TRIM37: variants seen among roughly 807,000 people sequenced by gnomAD.
TRIM37 encodes E3 ubiquitin-protein ligase TRIM37.
In TRIM37, 80 loss-of-function variants were observed where a neutral mutation model predicts 129.8. That is an observed-to-expected ratio of 0.62 (90% CI 0.51 to 0.74). The LOEUF is 0.74. Among genes scored for constraint, TRIM37 ranks in the 30% least tolerant of loss-of-function variants. TRIM37 has a pLI of 0.00. For missense variants in TRIM37, 1,054 were observed against 1,176.5 expected (o/e 0.90, Z 1.52); for synonymous variants, 389 against 387.1 (o/e 1.00, Z -0.06).
Position 59,028,487 on chromosome 17 carries a change from A to G in TRIM37, c.2185T>C (p.Ser729Pro). ...ATTCCCAAATCCTGCAATCTGCCAG[A>G]GTTTTCAGTTCCACATGCAGCCAGA... ...AALAACGTEN[S>P]GRLQDLGMEL... The change falls in exon 19 of 24, where the codon TCT (serine) becomes CCT (proline). Residue 729 changes from serine (S) to proline (P), a missense_variant. By Grantham distance (74) the Ser-to-Pro change is moderately conservative (BLOSUM62 -1). Transcript: ENST00000262294. 6.2e-7 allele frequency: 1 copy of G among 1,614,204 alleles called. No individual in the cohort carries two copies. The highest frequency in any genetic ancestry group is 1.1e-5 in the South Asian group (1 of 91,078).
chr17:58,979,751 A>C (rs1182337288), downstream of TRIM37, among the ~76,000 whole-genome samples: 5 of 152,230 alleles, frequency 3.3e-5, no homozygotes, highest in Non-Finnish European at 7.3e-5. Context: ...GTAAGGACTT[A>C]TGCCCAGTAA....
intron 12 of TRIM37, among the ~76,000 whole-genome samples, chr17:59,057,761 T>C (rs1231435583): frequency 6.6e-6 from 1 of 152,180 alleles, no homozygotes; most frequent in Non-Finnish European, 1.5e-5. Flanking sequence ...TGACCTCAGA[T>C]GATCCACCCT....
chr17:59,044,220 T>C (rs1287812064), intron 16 of TRIM37, among the ~76,000 whole-genome samples: 2 of 152,072 alleles, frequency 1.3e-5, no homozygotes, highest in African/African-American at 4.8e-5. Context: ...GGTGGGAGGA[T>C]CACTTGAGCC....
intron 2 of TRIM37, among the ~76,000 whole-genome samples, chr17:59,101,202 TAGAA>T (rs1046175046): frequency 2.6e-5 from 4 of 152,122 alleles, no homozygotes; most frequent in Non-Finnish European, 5.9e-5. Context: ...AAGACAGCCC[TAGAA>T]AGAAAGGTCA....
chr17:59,057,128 AG>A, intron 12 of TRIM37, 74 bp from the exon 13 acceptor site: 1 of 1,302,564 alleles, frequency 7.7e-7, no homozygotes, highest in South Asian at 1.2e-5. Context: ...CTAAACATTA[AG>A]GTCACTAAGT....
In TRIM37 at chr17:59,028,433, T is replaced by G. The variant is rs1288094169; in HGVS notation, c.2239A>C (p.Asn747His). Residue 747 changes from asparagine to histidine, a missense_variant, in exon 19 of 24, where the codon AAT (asparagine) becomes CAT (histidine). Physicochemically the swap from Asn to His is moderately conservative, Grantham distance 68. This residue lies in a region of TRIM37 where 287 missense variants were observed against 274.3 expected (regional missense o/e 1.05). Transcript: ENST00000262294. ...TACTTACAGTTTCGTATGTAACAAT[T>G]GGCAACTGATGACTTTGCCAGGAGT... ...MELLAKSSVA[N>H]CYIRNSTNKK... 1 of 1,613,190 alleles carries G rather than the reference T, an allele frequency of 6.2e-7. No homozygotes were observed. The highest frequency in any genetic ancestry group is 8.5e-7 in the Non-Finnish European group (1 of 1,180,022).
Position 59,062,229 on chromosome 17 carries a change from T to C in TRIM37, c.942+338A>G, listed in dbSNP as rs566159902. 5.3e-5 allele frequency among the ~76,000 whole-genome samples: 8 copies of C among 152,270 alleles called. No individual in the cohort carries two copies. The East Asian group carries it at 7.7e-4, about 15-fold the overall frequency. On this transcript the variant is annotated intron_variant, in intron 11 of 23. Transcript: ENST00000262294. The stretch of plus-strand genomic sequence containing the variant: ...CAGACTTTTCCTAAAGAAAATGGAA[T>C]TGCATATTGAAGATACCCAATGAAA...
downstream of TRIM37, chr17:58,980,913 G>GAAGT: frequency 6.2e-7 from 1 of 1,614,148 alleles, no homozygotes; most frequent in Non-Finnish European, 8.5e-7. The surrounding 1 kb of genome is among the most constrained non-coding windows in gnomAD (Gnocchi z 4.7). Context: ...AATAGGATAA[G>GAAGT]AAGTTCTCTG....
chr17:59,049,476 C>T, intron 14 of TRIM37, 83 bp from the exon 15 acceptor site: 1 of 1,191,558 alleles, frequency 8.4e-7, no homozygotes, highest in Non-Finnish European at 1.2e-6. Flanking sequence ...AAAATGCATC[C>T]AGATGTTTCT....
rs182755303 is a variant in TRIM37 at position 59,080,993 on chromosome 17, T to C, written c.492+104A>G. 290 of 727,340 alleles carry C rather than the reference T, an allele frequency of 4.0e-4. 3 individuals carry two copies. The East Asian group carries it at 6.6e-3, about 16-fold the overall frequency. The allele number at this position is 727,340 out of a possible 1,614,324, so 45.1% of individuals were successfully genotyped here. A position where few individuals can be genotyped will look rare whatever the true frequency, so the allele number is the denominator to read the frequency against. ...GTACAGCCTATCAAATTTGCAAATC[T>C]TGAAAACCTTGATTTCAACATCTGA... On this transcript the variant is annotated intron_variant, in intron 6 of 23. Coordinates refer to ENST00000262294, the MANE Select transcript of TRIM37 (RefSeq NM_015294.6).
chr17:59,032,188 T>C (rs1377375096), intron 17 of TRIM37, 98 bp from the exon 18 acceptor site: 6 of 1,268,652 alleles, frequency 4.7e-6, no homozygotes, highest in East Asian at 2.3e-5. Flanking sequence ...TACTTGTCTA[T>C]GGACCTATCT....
chr17:59,070,987 T>C, intron 8 of TRIM37, 40 bp from the exon 9 acceptor site: 1 of 1,610,302 alleles, frequency 6.2e-7, no homozygotes, highest in Non-Finnish European at 8.5e-7. Flanking sequence ...ACAAAATTAC[T>C]ATTCACTGCC....
intron 8 of TRIM37, 74 bp downstream of exon 8, chr17:59,075,573 A>AC (rs2042744013): frequency 1.0e-6 from 1 of 994,702 alleles, no homozygotes; most frequent in Admixed American, 2.6e-5. Flanking sequence ...CAAAAAAAAA[A>AC]AAAAAAAAAA....
Position 59,001,682 on chromosome 17 carries a change from T to G in TRIM37, c.2728A>C (p.Thr910Pro). Residue 910 changes from threonine (T) to proline (P), a missense_variant, in exon 23 of 24, where the codon ACT becomes CCT. Coordinates refer to ENST00000262294, the MANE Select transcript of TRIM37 (RefSeq NM_015294.6). ...MSSDSDIECD[T>P]ENEEQEEHTS... is the part of the protein sequence containing the mutation. ...TGCTCTTCCTGCTCCTCATTCTCAG[T>G]GTCACATTCAATGTCACTGTCGCTA... 2 of 1,614,048 alleles carry G rather than the reference T, an allele frequency of 1.2e-6. No homozygotes were observed. The highest frequency in any genetic ancestry group is 1.7e-6 in the Non-Finnish European group (2 of 1,179,992).
At chr17:59,091,026 A>C (rs908813670) in intron 3 of TRIM37, among the ~76,000 whole-genome samples, 1 of 152,176 alleles carries the variant, frequency 6.6e-6, no homozygotes, top group East Asian at 1.9e-4. Flanking sequence ...TTTAACCAGA[A>C]ACATTAAAAA....
intron 10 of TRIM37, among the ~76,000 whole-genome samples, chr17:59,063,847 T>C (rs1828300965): frequency 6.6e-6 from 1 of 152,182 alleles, no homozygotes; most frequent in Non-Finnish European, 1.5e-5. Flanking sequence ...GTGATCTCTC[T>C]TATTTAAAAT....
At chr17:59,073,050 C>T (rs1052337469) in intron 8 of TRIM37, 1 of 151,956 alleles carries the variant, frequency 6.6e-6, no homozygotes, top group Non-Finnish European at 1.5e-5. Context: ...CATACATACA[C>T]ACATAATACA....
In TRIM37 at chr17:59,081,371, G is replaced by A. The variant is rs554291930; in HGVS notation, c.370-152C>T. 4 of 1,079,688 alleles carry A rather than the reference G, an allele frequency of 3.7e-6. No individual in the cohort carries two copies. In the African/African-American group the frequency reaches 4.7e-5, roughly 13 times the overall value. 66.9% of individuals were successfully genotyped at this position (1,079,688 alleles called of 1,614,324 possible). On this transcript the variant is annotated intron_variant, in intron 5 of 23. Transcript: ENST00000262294. ...TTTAATTTTGTTGAAGCAGGCCAGT[G>A]CCCGCTTAAAATCACTTGGTCCAAG... is the stretch of plus-strand genomic sequence containing the variant.
In TRIM37 at chr17:59,093,508, C is replaced by T. The variant is rs151335003; in HGVS notation, c.124-2168G>A. 2.6e-5 allele frequency among the ~76,000 whole-genome samples: 4 copies of T among 152,346 alleles called. No homozygotes were observed. The East Asian group carries it at 7.7e-4, about 29-fold the overall frequency. ...TTTCTCCAAAAAGCTTTCCCTGACACTCTGCAGACTATTTTAGATACAATT... is the reference window on the plus strand; with the variant it reads ...TTTCTCCAAAAAGCTTTCCCTGACATTCTGCAGACTATTTTAGATACAATT... On this transcript the variant is annotated intron_variant, in intron 2 of 23. Coordinates refer to ENST00000262294, the MANE Select transcript of TRIM37 (RefSeq NM_015294.6).
Sources: allele counts gnomAD v4.1 joint callset (sites outside exome capture counted in the v4.1 genomes callset), GRCh38; gene constraint gnomAD v4.1.1; regional missense constraint gnomAD v4.1.1; non-coding constraint Gnocchi (gnomAD v3.1); transcripts MANE v1.5; gene names NCBI Gene and HGNC (gene_info 2026-07-23, HGNC 2026-07-21).